The following GNB4 variants were observed in gnomAD, a reference collection of about 807,000 sequenced individuals.
GNB4 encodes G protein subunit beta 4, also known as guanine nucleotide-binding protein subunit beta-4.
A neutral mutation model predicts 45.2 loss-of-function variants in GNB4; 28 were observed. That is an observed-to-expected ratio of 0.62 (90% CI 0.46 to 0.85). The LOEUF (loss-of-function observed/expected upper bound fraction) is 0.85, where lower values mean the gene tolerates loss of function less well. GNB4 is among the 40% of genes least tolerant of loss of function. The pLI, the probability that GNB4 is intolerant of heterozygous loss-of-function variation, is 0.00. For missense variants in GNB4, 321 were observed against 425.4 expected, an observed-to-expected ratio of 0.75 and a Z score of 2.16; for synonymous variants, 132 against 143.7, an observed-to-expected ratio of 0.92 and a Z score of 0.58.
chr3:179,497,886 CA>C, the GNB4 span, among the ~76,000 whole-genome samples: 22 of 151,716 alleles, frequency 1.5e-4, no homozygotes, highest in African/African-American at 5.3e-4. Context: ...TATCAAAAAG[CA>C]AAAAAACAAG....
intron 1 of GNB4, chr3:179,437,792 C>A (rs1048269826): frequency 6.6e-6 from 1 of 151,690 alleles, no homozygotes; most frequent in Non-Finnish European, 1.5e-5. Flanking sequence ...ATAGGCCAGG[C>A]GCAGTGGCTC....
At chr3:179,406,908 C>A (rs149757866) in intron 8 of GNB4, among the ~76,000 whole-genome samples, 1 of 151,980 alleles carries the variant, frequency 6.6e-6, no homozygotes, top group Non-Finnish European at 1.5e-5. Context: ...AGCCACAGCG[C>A]CTGGCCCCTC....
the GNB4 span, among the ~76,000 whole-genome samples, chr3:179,475,707 CG>C: frequency 6.8e-6 from 1 of 146,662 alleles, no homozygotes; most frequent in African/African-American, 2.5e-5. Context: ...CTCTTGACCT[CG>C]TGATCTGCCC....
the GNB4 span, among the ~76,000 whole-genome samples, chr3:179,477,192 T>C: frequency 1.7e-4 from 26 of 151,866 alleles, no homozygotes; most frequent in African/African-American, 6.3e-4. Flanking sequence ...TGGTTTACTC[T>C]CCTGAACACA....
intron 3 of GNB4, among the ~76,000 whole-genome samples, chr3:179,420,156 A>T (rs1047174379): frequency 6.7e-6 from 1 of 150,328 alleles, no homozygotes; most frequent in East Asian, 1.9e-4. Flanking sequence ...TTCGAGACAG[A>T]GTCTCACTTT....
the GNB4 span, among the ~76,000 whole-genome samples, chr3:179,480,620 A>G: frequency 6.6e-6 from 1 of 152,024 alleles, no homozygotes; most frequent in African/African-American, 2.4e-5. Context: ...CAACTACTTG[A>G]TACTGTCATC....
chr3:179,480,009 C>T, the GNB4 span, among the ~76,000 whole-genome samples: 4 of 152,148 alleles, frequency 2.6e-5, no homozygotes, highest in East Asian at 3.8e-4. Context: ...AATGAGAGAT[C>T]GACTCTCATG....
At chr3:179,447,477 TA>T (rs1287108219) in intron 1 of GNB4, among the ~76,000 whole-genome samples, 11 of 152,134 alleles carry the variant, frequency 7.2e-5, no homozygotes, top group African/African-American at 2.7e-4. Flanking sequence ...GACTCCCATG[TA>T]GCTGAGACCA....
the GNB4 span, among the ~76,000 whole-genome samples, chr3:179,495,368 T>C: frequency 1.3e-5 from 2 of 151,320 alleles, no homozygotes. Flanking sequence ...TTCCACCTAC[T>C]TGGGGGGCTG....
At chr3:179,477,049 A>G in the GNB4 span, among the ~76,000 whole-genome samples, 4 of 152,138 alleles carry the variant, frequency 2.6e-5, no homozygotes, top group African/African-American at 7.2e-5. Context: ...CTGCCCTTCT[A>G]GAGCTCTGAG....
intron 1 of GNB4, among the ~76,000 whole-genome samples, chr3:179,443,433 C>A (rs9853833): frequency 0.43 from 65,865 of 151,664 alleles, 14,641 homozygotes; most frequent in Admixed American, 0.51. Context: ...CAGCTACTTG[C>A]GAGGCTGAGG....
chr3:179,491,075 A>G, the GNB4 span, among the ~76,000 whole-genome samples: 2 of 152,244 alleles, frequency 1.3e-5, no homozygotes, highest in South Asian at 2.1e-4. Flanking sequence ...AGCAGCTATT[A>G]TAAAAATTCT....
chr3:179,456,376 G>A (rs1020901554), upstream of GNB4, among the ~76,000 whole-genome samples: 7 of 152,060 alleles, frequency 4.6e-5, no homozygotes, highest in Non-Finnish European at 1.0e-4. Context: ...AATATAATCT[G>A]CCACAAGCAC....
upstream of GNB4, among the ~76,000 whole-genome samples, chr3:179,452,762 A>G (rs1191584986): frequency 1.3e-5 from 2 of 152,192 alleles, no homozygotes; most frequent in African/African-American, 4.8e-5. Context: ...TACTAATATT[A>G]GGAGCATTTT....
the GNB4 span, among the ~76,000 whole-genome samples, chr3:179,457,904 C>CTTTT: frequency 7.3e-6 from 1 of 137,914 alleles, no homozygotes; most frequent in East Asian, 2.1e-4. Flanking sequence ...CATTTTAGTT[C>CTTTT]TTTTTTTTTT....
the GNB4 span, among the ~76,000 whole-genome samples, chr3:179,485,248 G>A: frequency 2.6e-5 from 4 of 151,876 alleles, no homozygotes; most frequent in East Asian, 1.9e-4. Context: ...TCCTGACCTC[G>A]TGATCCGCCC....
In GNB4 at chr3:179,432,336, C is replaced by CT. The variant is rs141597946; in HGVS notation, c.-42-6095dup. ...TAAAAAGAGGAACTAACTTTTCACT[C>CT]TTTAAAAAAAAACACAACTGATTCA... On this transcript the variant is annotated intron_variant, in intron 1 of 9. Coordinates refer to ENST00000232564, the MANE Select transcript of GNB4 (RefSeq NM_021629.4). 1.9e-3 allele frequency among the ~76,000 whole-genome samples: 291 copies of CT among 152,120 alleles called. 1 individual carries two copies. The highest frequency in any genetic ancestry group is 6.8e-3 in the Middle Eastern group (2 of 294).
chr3:179,459,907 A>G, the GNB4 span, among the ~76,000 whole-genome samples: 5 of 152,120 alleles, frequency 3.3e-5, no homozygotes, highest in Admixed American at 1.3e-4. Context: ...TCCTCACCCA[A>G]TTTGCCCCAA....
At chr3:179,457,045 C>T in the GNB4 span, among the ~76,000 whole-genome samples, 1 of 152,166 alleles carries the variant, frequency 6.6e-6, no homozygotes, top group Non-Finnish European at 1.5e-5. Context: ...CGGACCAACT[C>T]TTACTCTAAA....
Sources: gnomAD v4.1 joint callset for allele counts (sites outside exome capture counted in the v4.1 genomes callset) on GRCh38, gnomAD v4.1.1 for gene constraint, MANE v1.5 for transcripts, NCBI Gene and HGNC (gene_info 2026-07-23, HGNC 2026-07-21) for gene names.